The following ASXL3 variants were observed in gnomAD, a reference collection of about 807,000 sequenced individuals.
ASXL3 encodes the protein putative Polycomb group protein ASXL3.
Under a neutral mutation model 170.6 loss-of-function variants are expected in ASXL3, and 34 were observed. The observed-to-expected ratio is 0.20, with a 90% CI of 0.15 to 0.27. The LOEUF is 0.27. Among genes scored for constraint, ASXL3 ranks in the 10% least tolerant of loss-of-function variants. ASXL3 has a pLI of 1.00. For synonymous variants in ASXL3, 1,002 were observed against 989.1 expected (o/e 1.01, Z -0.24); for missense variants, 2,592 against 2,695.3 (o/e 0.96, Z 0.85).
At position 33,739,617 on chromosome 18, in the gene ASXL3, C is replaced by T. The variant is rs952967423; in HGVS notation, c.2213C>T (p.Ser738Phe). 3 of 1,613,988 alleles carry T rather than the reference C, an allele frequency of 1.9e-6. No individual in the cohort carries two copies. Among genetic ancestry groups the T allele is most frequent in the Middle Eastern group, 1.6e-4 (1 of 6,062 alleles). Residue 738 changes from serine to phenylalanine, a missense_variant, in exon 11 of 12, where the codon TCT (serine) becomes TTT (phenylalanine). Ser to Phe is a radical substitution (Grantham distance 155). Transcript: ENST00000269197. ...TSSVSSMLLT[S>F]ETTFVSSLPL... Reference sequence around the variant, plus strand: ...TCAGTGTCTTCCATGCTTCTCACCTCTGAGACCACTTTTGTATCCAGTTTG... The same window carrying T: ...TCAGTGTCTTCCATGCTTCTCACCTTTGAGACCACTTTTGTATCCAGTTTG...
intron 2 of ASXL3, among the ~76,000 whole-genome samples, chr18:33,620,723 G>T (rs913277217): frequency 2.4e-4 from 36 of 152,250 alleles, no homozygotes; most frequent in African/African-American, 7.2e-4. Context: ...ATAAGAAGGT[G>T]ATGAGGGATT....
At chr18:33,734,037 T>A (rs575378035) in intron 9 of ASXL3, among the ~76,000 whole-genome samples, 1 of 55,088 alleles carries the variant, frequency 1.8e-5, no homozygotes, top group Non-Finnish European at 3.0e-5. Context: ...GTAATACATT[T>A]GCTAAATGCT....
intron 3 of ASXL3, 139 bp from the exon 4 acceptor site, chr18:33,646,106 T>G: frequency 1.6e-6 from 1 of 620,362 alleles, no homozygotes; most frequent in South Asian, 2.4e-5. Context: ...GAAGAATGAT[T>G]TTACATTAAA....
intron 6 of ASXL3, among the ~76,000 whole-genome samples, chr18:33,671,536 T>TATTA (rs1269593547): frequency 6.6e-6 from 1 of 152,200 alleles, no homozygotes; most frequent in Non-Finnish European, 1.5e-5. Context: ...TTGACTCCAC[T>TATTA]ATTAGGCCAT....
At chr18:33,613,661 A>G (rs891840907) in intron 2 of ASXL3, among the ~76,000 whole-genome samples, 4 of 152,142 alleles carry the variant, frequency 2.6e-5, no homozygotes, top group Admixed American at 2.0e-4. Context: ...ACTCATGCCT[A>G]TAATCCCAAC....
Position 33,744,256 on chromosome 18 carries a change from C to T in ASXL3, c.4408C>T (p.Pro1470Ser). The change falls in exon 12 of 12, where the codon CCG (proline) becomes TCG (serine). Residue 1470 changes from proline to serine, a missense_variant. By Grantham distance (74) the Pro-to-Ser change is moderately conservative. Coordinates refer to ENST00000269197, the MANE Select transcript of ASXL3 (RefSeq NM_030632.3). Reference sequence around the variant, plus strand: ...ACCAGCAGCCATAAACCGATCAATTCCGTGTAAAGTCATCGTTGACCACAG... The same window carrying T: ...ACCAGCAGCCATAAACCGATCAATTTCGTGTAAAGTCATCGTTGACCACAG... Reference protein sequence around the residue: ...FAPAAINRSIPCKVIVDHSTT... With the variant: ...FAPAAINRSISCKVIVDHSTT... The T allele has an allele frequency of 1.2e-6, 2 of 1,614,022 alleles. No individual in the cohort carries two copies. The highest frequency in any genetic ancestry group is 1.7e-6 in the Non-Finnish European group (2 of 1,179,904).
At chr18:33,604,138 A>G (rs935280501) in intron 1 of ASXL3, among the ~76,000 whole-genome samples, 4 of 152,104 alleles carry the variant, frequency 2.6e-5, no homozygotes, top group East Asian at 1.9e-4. Flanking sequence ...TAAAGCATAC[A>G]GCTATTATAA....
chr18:33,740,211 C>G lies in ASXL3; in HGVS notation c.2807C>G (p.Thr936Ser). Reference protein sequence around the residue: ...KQGSTQSRLETSHTSKSSEPS... With the variant: ...KQGSTQSRLESSHTSKSSEPS... ...GGGAGTACACAGAGTCGGTTAGAAA[C>G]CTCACATACTTCCAAGTCATCAGAG... is the stretch of plus-strand genomic sequence containing the variant. The change falls in exon 11 of 12, where the codon ACC (threonine) becomes AGC (serine). Residue 936 changes from threonine to serine, a missense_variant. By Grantham distance (58) the Thr-to-Ser change is moderately conservative. Transcript: ENST00000269197. 1 of 1,613,762 alleles carries G rather than the reference C, an allele frequency of 6.2e-7. No homozygotes were observed. Among genetic ancestry groups the G allele is most frequent in the Non-Finnish European group, 8.5e-7 (1 of 1,179,814 alleles).
intron 4 of ASXL3, among the ~76,000 whole-genome samples, chr18:33,652,596 G>GT (rs2145213711): frequency 3.1e-5 from 1 of 32,776 alleles, no homozygotes; most frequent in South Asian, 1.1e-3. Flanking sequence ...AAAAGTTTCT[G>GT]TTGGGGCAAA....
intron 9 of ASXL3, 67 bp downstream of exon 9, chr18:33,732,131 TTC>T (rs2067459923): frequency 7.9e-7 from 1 of 1,269,076 alleles, no homozygotes; most frequent in Non-Finnish European, 1.1e-6. Context: ...GCTTGTACCT[TTC>T]TCTGATTTTT....
At chr18:33,606,857 C>A (rs956386304) in intron 1 of ASXL3, among the ~76,000 whole-genome samples, 2 of 151,896 alleles carry the variant, frequency 1.3e-5, no homozygotes, top group Non-Finnish European at 2.9e-5. Flanking sequence ...AATAAAGGAA[C>A]CTGTTTTCCA....
At chr18:33,653,997 C>G (rs1599450943) in intron 4 of ASXL3, among the ~76,000 whole-genome samples, 1 of 152,040 alleles carries the variant, frequency 6.6e-6, no homozygotes, top group East Asian at 1.9e-4. Context: ...TTAGAGACCT[C>G]TTTTTCTTAC....
chr18:33,584,221 AG>A (rs1206974026), intron 1 of ASXL3, among the ~76,000 whole-genome samples: 2 of 152,082 alleles, frequency 1.3e-5, no homozygotes, highest in African/African-American at 4.8e-5. Context: ...GGATAGGTTC[AG>A]GGGGTGATGA....
At chr18:33,736,684 G>A (rs1337350694) in intron 10 of ASXL3, among the ~76,000 whole-genome samples, 1 of 151,940 alleles carries the variant, frequency 6.6e-6, no homozygotes, top group Non-Finnish European at 1.5e-5. Flanking sequence ...ATATATTATT[G>A]TATATTTGGT....
intron 8 of ASXL3, among the ~76,000 whole-genome samples, chr18:33,719,325 A>G (rs931291434): frequency 6.6e-6 from 1 of 151,666 alleles, no homozygotes; most frequent in Admixed American, 6.6e-5. Flanking sequence ...GGAGAGTCCT[A>G]CCTCCACACG....
chr18:33,589,910 T>C (rs1443162202), intron 1 of ASXL3, among the ~76,000 whole-genome samples: 1 of 152,128 alleles, frequency 6.6e-6, no homozygotes, highest in Admixed American at 6.5e-5. Context: ...AGACATTTTA[T>C]AATATTATTC....
rs2067554274 is a variant in ASXL3 at position 33,736,709 on chromosome 18, T to TAA, written c.1083-1776_1083-1775dup. The stretch of plus-strand genomic sequence containing the variant: ...GTATATTTGGTTTACATCACTTGTA[T>TAA]AAATGCCAAGTATTACAGGGCTTGG... On this transcript the variant is annotated intron_variant, in intron 10 of 11. Transcript: ENST00000269197. 3.3e-5 allele frequency among the ~76,000 whole-genome samples: 5 copies of TAA among 152,306 alleles called. No individual in the cohort carries two copies. In the South Asian group the frequency reaches 1.0e-3, roughly 32 times the overall value.
At chr18:33,685,848 GAGAAC>G (rs1424904737) in intron 8 of ASXL3, among the ~76,000 whole-genome samples, 1 of 152,130 alleles carries the variant, frequency 6.6e-6, no homozygotes, top group Non-Finnish European at 1.5e-5. Flanking sequence ...TCACTGCTAT[GAGAAC>G]AGCACCAAGA....
rs747030166 is a variant in ASXL3 at position 33,746,778 on chromosome 18, A to C, written c.*183A>C. On this transcript the variant is annotated 3_prime_UTR_variant, in exon 12 of 12. Coordinates refer to ENST00000269197, the MANE Select transcript of ASXL3 (RefSeq NM_030632.3). ...TAAAGGGGAGGATGCATCCCAACTG[A>C]ATGGCTCACTGGCATGTCTTTTATG... is the stretch of plus-strand genomic sequence containing the variant. 6 of 966,398 alleles carry C rather than the reference A, an allele frequency of 6.2e-6. No homozygotes were observed. The highest frequency in any genetic ancestry group is 8.6e-6 in the Non-Finnish European group (6 of 693,848). 59.9% of individuals were successfully genotyped at this position (966,398 alleles called of 1,614,324 possible).
Sources: gnomAD v4.1 joint callset for allele counts (sites outside exome capture counted in the v4.1 genomes callset) on GRCh38, gnomAD v4.1.1 for gene constraint, MANE v1.5 for transcripts, NCBI Gene and HGNC (gene_info 2026-07-23, HGNC 2026-07-21) for gene names.